Variants in EVC observed in about 807,000 individuals in gnomAD.
The protein encoded by EVC is evC complex member EVC.
Under a neutral mutation model 118.9 loss-of-function variants are expected in EVC, and 116 were observed. The observed-to-expected ratio is 0.98, with a 90% CI of 0.84 to 1.14. The LOEUF is 1.14. EVC is among the 50% of genes most tolerant of loss of function. The pLI is 0.00. For missense variants in EVC, 1,401 were observed against 1,246.4 expected, an observed-to-expected ratio of 1.12 and a Z score of -1.87; for synonymous variants, 619 against 534.7, an observed-to-expected ratio of 1.16 and a Z score of -2.18.
chr4:5,827,733 GCACACACACACA>G, the EVC span, among the ~76,000 whole-genome samples: 1 of 138,276 alleles, frequency 7.2e-6, no homozygotes, highest in East Asian at 2.2e-4. Flanking sequence ...ATGTGCGCGT[GCACACACACACA>G]CACACACACG....
chr4:5,752,877 A>C lies in EVC; in HGVS notation c.1140A>C (p.Lys380Asn), dbSNP rs1307577075. The change falls in exon 9 of 21, where the codon AAA (lysine) becomes AAC (asparagine). Residue 380 changes from lysine (K) to asparagine (N), a missense_variant. Lys to Asn is a moderately conservative substitution (Grantham distance 94). Transcript: ENST00000264956. The stretch of plus-strand genomic sequence containing the variant: ...CGATGGGGCGGGCGCACATGGCAAA[A>C]GTGATTGAGTTTCTGAAGCTGCAAG... ...ERTMGRAHMA[K>N]VIEFLKLQVQ... The C allele has an allele frequency of 1.2e-6, 2 of 1,614,072 alleles. No homozygotes were observed. Among genetic ancestry groups the C allele is most frequent in the Non-Finnish European group, 1.7e-6 (2 of 1,180,046 alleles).
At chr4:5,763,366 A>T (rs1441312014) in intron 11 of EVC, among the ~76,000 whole-genome samples, 1 of 146,942 alleles carries the variant, frequency 6.8e-6, no homozygotes, top group African/African-American at 2.6e-5. Flanking sequence ...TTGGCTTAGG[A>T]TTGACTTGGC....
At chr4:5,721,418 T>C (rs881686) in intron 2 of EVC, among the ~76,000 whole-genome samples, 72,750 of 152,042 alleles carry the variant, frequency 0.48, 17,812 homozygotes, top group Middle Eastern at 0.59. Flanking sequence ...GACCACATGT[T>C]ATAGGATTCC....
intron 4 of EVC, among the ~76,000 whole-genome samples, chr4:5,732,233 G>A (rs569653360): frequency 6.6e-6 from 1 of 152,100 alleles, no homozygotes; most frequent in Non-Finnish European, 1.5e-5. Flanking sequence ...CGCACGTGGT[G>A]GGGGCTTAAG....
chr4:5,726,615 C>T (rs1163508194), intron 2 of EVC, among the ~76,000 whole-genome samples: 1 of 143,112 alleles, frequency 7.0e-6, no homozygotes, highest in Non-Finnish European at 1.5e-5. Flanking sequence ...TACATGTGCA[C>T]ATTGTGCAGG....
Position 5,753,001 on chromosome 4 carries a change from C to A in EVC, c.1264C>A (p.Leu422Ile). The A allele has an allele frequency of 6.2e-7, 1 of 1,612,790 alleles. No individual in the cohort carries two copies. Among genetic ancestry groups the A allele is most frequent in the South Asian group, 1.1e-5 (1 of 90,942 alleles). The change falls in exon 9 of 21, where the codon CTC becomes ATC. Residue 422 changes from leucine to isoleucine, a missense_variant. By Grantham distance (5) the Leu-to-Ile change is conservative (BLOSUM62 2). Transcript: ENST00000264956. Reference protein sequence around the residue: ...KLSGRQKEELLTQQHKAFWQE... With the variant: ...KLSGRQKEELITQQHKAFWQE... ...GTCCGGGCGGCAGAAGGAGGAGCTG[C>A]TCACGCAGCAGCACAAGGCCTTCTG... is the stretch of plus-strand genomic sequence containing the variant.
chr4:5,765,209 G>A lies in EVC; in HGVS notation c.1563+8847G>A, dbSNP rs1352715022. Among the ~76,000 whole-genome samples the A allele has an allele frequency of 2.0e-4, 23 of 117,054 alleles. 8 individuals are homozygous for A. Among genetic ancestry groups the A allele is most frequent in the South Asian group, 9.7e-4 (3 of 3,082 alleles). The allele number at this position is 117,054 out of a possible 152,430, so 76.8% of individuals were successfully genotyped here. On this transcript the variant is annotated intron_variant, in intron 11 of 20. Transcript: ENST00000264956. Reference sequence around the variant, plus strand: ...TTGTTCAGTTTCCATGTAGTTGAGCGGTTTTGAGTGAGACTCTTAATCCTG... The same window carrying A: ...TTGTTCAGTTTCCATGTAGTTGAGCAGTTTTGAGTGAGACTCTTAATCCTG...
At chr4:5,793,336 T>A (rs968525514) in intron 12 of EVC, among the ~76,000 whole-genome samples, 1 of 152,128 alleles carries the variant, frequency 6.6e-6, no homozygotes, top group African/African-American at 2.4e-5. Context: ...CCAGAGAAAA[T>A]TAGATCCCTT....
At chr4:5,768,272 T>C (rs988710497) in intron 11 of EVC, among the ~76,000 whole-genome samples, 1 of 152,078 alleles carries the variant, frequency 6.6e-6, no homozygotes, top group African/African-American at 2.4e-5. Context: ...GGGAAGTGAC[T>C]TGCTTTATGT....
intron 2 of EVC, among the ~76,000 whole-genome samples, chr4:5,724,897 AGT>A (rs2151887620): frequency 6.6e-6 from 1 of 151,706 alleles, no homozygotes; most frequent in East Asian, 1.9e-4. Flanking sequence ...GACAGGCCCC[AGT>A]GTGTGTTGTT....
intron 11 of EVC, among the ~76,000 whole-genome samples, chr4:5,771,490 C>G (rs1315331477): frequency 6.6e-6 from 1 of 152,194 alleles, no homozygotes; most frequent in Non-Finnish European, 1.5e-5. Context: ...CCTGCGAAGT[C>G]TCTTTACCAT....
In EVC at chr4:5,731,396, A is replaced by C; in HGVS notation, c.385-29A>C. ...ATCAAATCCCAGAGGCATCACATGGACTGAGTGTGACTCCTACTGCCACCC... is the reference window on the plus strand; with the variant it reads ...ATCAAATCCCAGAGGCATCACATGGCCTGAGTGTGACTCCTACTGCCACCC... On this transcript the variant is annotated intron_variant, in intron 3 of 20. Transcript: ENST00000264956. This position sits in a 1 kb window ranked among gnomAD's most constrained non-coding sequence, Gnocchi z 5.6. 1 of 1,527,718 alleles carries C rather than the reference A, an allele frequency of 6.5e-7. No homozygotes were observed. The highest frequency in any genetic ancestry group is 1.4e-5 in the African/African-American group (1 of 73,090). The allele number at this position is 1,527,718 out of a possible 1,614,324, so 94.6% of individuals were successfully genotyped here.
rs527423858 is a variant in EVC, at chr4:5,726,727, C to G, written c.301-2580C>G. On this transcript the variant is annotated intron_variant, in intron 2 of 20. Coordinates refer to ENST00000264956, the MANE Select transcript of EVC (RefSeq NM_153717.3). ...CCGATGCTATCCCTCCCCCCTCCCC[C>G]CACCCGACAACAGTCCCCAGAGTGT... 8.2e-5 allele frequency among the ~76,000 whole-genome samples: 10 copies of G among 121,276 alleles called. No individual in the cohort carries two copies. The East Asian group carries it at 2.0e-3, about 24-fold the overall frequency. The allele number at this position is 121,276 out of a possible 152,430, so 79.6% of individuals were successfully genotyped here. A position where few individuals can be genotyped will look rare whatever the true frequency, so the allele number is the denominator to read the frequency against.
chr4:5,777,906 G>T (rs1426343468), intron 11 of EVC, among the ~76,000 whole-genome samples: 3 of 151,950 alleles, frequency 2.0e-5, no homozygotes, highest in Non-Finnish European at 2.9e-5. Flanking sequence ...GTTACGTATG[G>T]ATACATGTGA....
chr4:5,749,072 T>C lies in EVC; in HGVS notation c.1098+766T>C, dbSNP rs551844429. The stretch of plus-strand genomic sequence containing the variant: ...TGGTGTAGACAGAGCATTGATTGAC[T>C]TTCCTGATTGCCCTGTTTTGCCTGC... On this transcript the variant is annotated intron_variant, in intron 8 of 20. Coordinates refer to ENST00000264956, the MANE Select transcript of EVC (RefSeq NM_153717.3). This position sits in a 1 kb window ranked among gnomAD's most constrained non-coding sequence, Gnocchi z 4.4. Among the ~76,000 whole-genome samples the C allele has an allele frequency of 5.8e-4, 88 of 152,138 alleles. 1 individual carries two copies. Among genetic ancestry groups the C allele is most frequent in the Admixed American group, 4.9e-3 (75 of 15,288 alleles).
At chr4:5,822,701 G>A in the EVC span, among the ~76,000 whole-genome samples, 1 of 152,156 alleles carries the variant, frequency 6.6e-6, no homozygotes, top group Non-Finnish European at 1.5e-5. Flanking sequence ...ATCAGGGAGG[G>A]GAAGTTGAGC....
chr4:5,821,856 A>G, the EVC span: 1 of 1,566,050 alleles, frequency 6.4e-7, no homozygotes, highest in Non-Finnish European at 8.6e-7. The surrounding 1 kb of genome is among the most constrained non-coding windows in gnomAD (Gnocchi z 4.4). Flanking sequence ...GGGCACCTGA[A>G]AGAGAGCGCC....
intron 12 of EVC, among the ~76,000 whole-genome samples, chr4:5,785,122 T>A (rs982310489): frequency 6.6e-6 from 1 of 152,138 alleles, no homozygotes; most frequent in Non-Finnish European, 1.5e-5. Flanking sequence ...AGGGCTTCTG[T>A]TTCCTGATAC....
At chr4:5,720,140 C>T (rs1724699710) in intron 2 of EVC, among the ~76,000 whole-genome samples, 1 of 152,094 alleles carries the variant, frequency 6.6e-6, no homozygotes, top group South Asian at 2.1e-4. Context: ...CATTTCTAGT[C>T]ACCTCCTTGT....
Sources: allele counts gnomAD v4.1 joint callset (sites outside exome capture counted in the v4.1 genomes callset), GRCh38; gene constraint gnomAD v4.1.1; non-coding constraint Gnocchi (gnomAD v3.1); transcripts MANE v1.5; gene names NCBI Gene and HGNC (gene_info 2026-07-23, HGNC 2026-07-21).